Variants in FAM53B observed in about 807,000 individuals in gnomAD.
The protein encoded by FAM53B is protein FAM53B.
A neutral mutation model predicts 32.7 loss-of-function variants in FAM53B; 12 were observed. The ratio of observed to expected loss-of-function variants is 0.37; its 90% CI spans 0.24 to 0.59. FAM53B has a LOEUF of 0.59. Among genes scored for constraint, FAM53B ranks in the 20% least tolerant of loss-of-function variants. The pLI is 0.72. For synonymous variants in FAM53B, 234 were observed against 228.7 expected (o/e 1.02, Z -0.21); for missense variants, 477 against 577.7 (o/e 0.83, Z 1.79).
chr10:124,631,361 G>A (rs1011842828), intron 4 of FAM53B, among the ~76,000 whole-genome samples: 3 of 152,184 alleles, frequency 2.0e-5, no homozygotes, highest in African/African-American at 7.2e-5. Context: ...CCCCAGCCCA[G>A]ACACCTAAAA....
intron 4 of FAM53B, among the ~76,000 whole-genome samples, chr10:124,624,337 G>A (rs140209773): frequency 6.6e-6 from 1 of 152,270 alleles, no homozygotes; most frequent in Non-Finnish European, 1.5e-5. Context: ...ATGAGTTCTC[G>A]GCCTCACCTG....
chr10:124,644,037 C>G (rs1389167767), intron 4 of FAM53B, among the ~76,000 whole-genome samples: 1 of 111,840 alleles, frequency 8.9e-6, no homozygotes, highest in Non-Finnish European at 1.9e-5. Context: ...GGCCTTGCTC[C>G]AACGAAGATG....
intron 1 of FAM53B, among the ~76,000 whole-genome samples, chr10:124,711,711 C>A (rs1481369638): frequency 6.6e-6 from 1 of 152,164 alleles, no homozygotes; most frequent in East Asian, 1.9e-4. Context: ...AATTTAGCGG[C>A]CCTGGCCTTC....
chr10:124,738,307 C>T (rs551637053), intron 1 of FAM53B, among the ~76,000 whole-genome samples: 148 of 152,094 alleles, frequency 9.7e-4, no homozygotes, highest in Middle Eastern at 3.4e-3. Flanking sequence ...GGTTGCTGCC[C>T]CCCTCTCCAA....
At chr10:124,695,209 T>C (rs191666918) in intron 3 of FAM53B, among the ~76,000 whole-genome samples, 74 of 152,268 alleles carry the variant, frequency 4.9e-4, no homozygotes, top group African/African-American at 1.7e-3. Flanking sequence ...TCATCTATCA[T>C]CTGAGAGTGG....
chr10:124,679,543 G>A (rs149558758), intron 4 of FAM53B, among the ~76,000 whole-genome samples: 263 of 152,354 alleles, frequency 1.7e-3, no homozygotes, highest in African/African-American at 6.1e-3. Flanking sequence ...ATGGAGAGAG[G>A]GCTGACCAGG....
At chr10:124,639,334 A>G (rs922750429) in intron 4 of FAM53B, among the ~76,000 whole-genome samples, 1 of 152,176 alleles carries the variant, frequency 6.6e-6, no homozygotes, top group Non-Finnish European at 1.5e-5. Flanking sequence ...GATCCCCAAG[A>G]GGGCTGAGGA....
chr10:124,695,019 G>C (rs1361785638), intron 3 of FAM53B, among the ~76,000 whole-genome samples: 1 of 152,184 alleles, frequency 6.6e-6, no homozygotes, highest in Non-Finnish European at 1.5e-5. Context: ...AGCCAGCGGG[G>C]CCCAGCATGT....
chr10:124,741,306 G>A (rs10901813), intron 1 of FAM53B, among the ~76,000 whole-genome samples: 113,141 of 152,102 alleles, frequency 0.74, 42,271 homozygotes, highest in South Asian at 0.85. Context: ...AAGAACAGAA[G>A]AGTTTTCCAT....
intron 3 of FAM53B, among the ~76,000 whole-genome samples, chr10:124,694,805 G>A (rs972192261): frequency 6.6e-6 from 1 of 152,176 alleles, no homozygotes; most frequent in Admixed American, 6.5e-5. Context: ...GGAAAACCAG[G>A]GCCAGCTGAT....
At chr10:124,678,918 G>A (rs1949752576) in intron 4 of FAM53B, among the ~76,000 whole-genome samples, 1 of 152,236 alleles carries the variant, frequency 6.6e-6, no homozygotes, top group Admixed American at 6.5e-5. Context: ...CTAGGCCCCA[G>A]TCGGGACCTC....
At chr10:124,670,154 C>T (rs80283113) in intron 4 of FAM53B, among the ~76,000 whole-genome samples, 18 of 151,902 alleles carry the variant, frequency 1.2e-4, no homozygotes, top group Admixed American at 2.0e-4. Flanking sequence ...AGAGGGCGGG[C>T]GGTGACACTC....
At chr10:124,664,355 C>T (rs1346931333) in intron 4 of FAM53B, among the ~76,000 whole-genome samples, 6 of 152,194 alleles carry the variant, frequency 3.9e-5, no homozygotes, top group African/African-American at 1.2e-4. Context: ...AGCAGGCCTC[C>T]GGGGCCAAAA....
At chr10:124,657,060 GTATATATATATGTA>G (rs1275159043) in intron 4 of FAM53B, among the ~76,000 whole-genome samples, 2 of 77,416 alleles carry the variant, frequency 2.6e-5, no homozygotes, top group Non-Finnish European at 6.3e-5. Flanking sequence ...ATGTATATAT[GTATATATATATGTA>G]TATATATGTG....
chr10:124,705,307 G>GAAGGCA (rs1277570867), intron 2 of FAM53B, among the ~76,000 whole-genome samples: 1 of 80,886 alleles, frequency 1.2e-5, no homozygotes, highest in Non-Finnish European at 3.1e-5. Context: ...GGGCAGGAGG[G>GAAGGCA]AAGGCGGAGG....
At chr10:124,637,345 C>T (rs778787096) in intron 4 of FAM53B, among the ~76,000 whole-genome samples, 2 of 152,222 alleles carry the variant, frequency 1.3e-5, no homozygotes, top group African/African-American at 2.4e-5. Flanking sequence ...CCGCCTTGTG[C>T]TGGGCATGCC....
chr10:124,697,756 G>A (rs1255266973), intron 2 of FAM53B, among the ~76,000 whole-genome samples: 2 of 152,078 alleles, frequency 1.3e-5, no homozygotes. Context: ...GGCGGAAGGG[G>A]AACGGGGCAG....
intron 4 of FAM53B, among the ~76,000 whole-genome samples, chr10:124,640,871 C>G (rs1169375788): frequency 6.6e-6 from 1 of 152,180 alleles, no homozygotes; most frequent in Non-Finnish European, 1.5e-5. Flanking sequence ...TGCGGCAGAG[C>G]AGAGTGAGGC....
intron 4 of FAM53B, among the ~76,000 whole-genome samples, chr10:124,647,002 G>A (rs1177146513): frequency 6.6e-6 from 1 of 152,178 alleles, no homozygotes; most frequent in Non-Finnish European, 1.5e-5. Context: ...AGACCCTGCA[G>A]CAGGCGATGG....
Sources: gnomAD v4.1 joint callset for allele counts (sites outside exome capture counted in the v4.1 genomes callset) on GRCh38, gnomAD v4.1.1 for gene constraint, MANE v1.5 for transcripts, NCBI Gene and HGNC (gene_info 2026-07-23, HGNC 2026-07-21) for gene names.